The following ARCN1 variants were observed in gnomAD, a reference collection of about 807,000 sequenced individuals.
The protein encoded by ARCN1 is archain 1 coat protein complex I subunit delta.
Under a neutral mutation model 60.4 loss-of-function variants are expected in ARCN1, and 5 were observed. That is an observed-to-expected ratio of 0.08 (90% CI 0.04 to 0.17). ARCN1 has a LOEUF of 0.17. ARCN1 is among the 10% of genes least tolerant of loss of function. The pLI, the probability that ARCN1 is intolerant of heterozygous loss-of-function variation, is 1.00. For synonymous variants in ARCN1, 224 were observed against 220.0 expected (o/e 1.02, Z -0.16); for missense variants, 464 against 626.5 (o/e 0.74, Z 2.77).
rs1350009817 is a variant in ARCN1, at chr11:118,601,310, C to T, written c.*596C>T. On this transcript the variant is annotated 3_prime_UTR_variant, in exon 10 of 10. Coordinates refer to ENST00000264028, the MANE Select transcript of ARCN1 (RefSeq NM_001655.5). ...CTCCTGAGCTCAGGCAATCCGCCCACCTCAGCCTCCCAAAGTGTTGGGATT... is the reference window on the plus strand; with the variant it reads ...CTCCTGAGCTCAGGCAATCCGCCCATCTCAGCCTCCCAAAGTGTTGGGATT... 1 of 406,628 alleles carries T rather than the reference C, an allele frequency of 2.5e-6. No individual in the cohort carries two copies. Among genetic ancestry groups the T allele is most frequent in the Non-Finnish European group, 4.7e-6 (1 of 214,434 alleles). 25.2% of individuals were successfully genotyped at this position (406,628 alleles called of 1,614,324 possible). A position where few individuals can be genotyped will look rare whatever the true frequency, so the allele number is the denominator to read the frequency against.
At chr11:118,586,256 C>T (rs191704012) in intron 5 of ARCN1, among the ~76,000 whole-genome samples, 186 of 152,170 alleles carry the variant, frequency 1.2e-3, no homozygotes, top group African/African-American at 4.4e-3. Flanking sequence ...CCATCACACC[C>T]GGCTAATTTT....
chr11:118,588,908 C>T (rs181345963), intron 5 of ARCN1, among the ~76,000 whole-genome samples: 5 of 151,936 alleles, frequency 3.3e-5, no homozygotes, highest in Non-Finnish European at 7.4e-5. Context: ...ATCCCAGCTA[C>T]GCAGGAGGCT....
At chr11:118,580,913 G>A (rs1028637893) in intron 1 of ARCN1, among the ~76,000 whole-genome samples, 8 of 152,050 alleles carry the variant, frequency 5.3e-5, no homozygotes, top group Admixed American at 6.6e-5. Flanking sequence ...CAGGAGGATC[G>A]CTTGAACCCA....
intron 9 of ARCN1, among the ~76,000 whole-genome samples, 186 bp from the exon 10 acceptor site, chr11:118,600,439 T>G (rs1939123678): frequency 6.6e-6 from 1 of 152,212 alleles, no homozygotes; most frequent in Non-Finnish European, 1.5e-5. Flanking sequence ...GAAAAGCAGC[T>G]TAATCATTTT....
At position 118,572,523 on chromosome 11, in the gene ARCN1, G is replaced by A; in HGVS notation, c.-25G>A. The A allele has an allele frequency of 1.9e-6, 3 of 1,611,350 alleles. No individual in the cohort carries two copies. The highest frequency in any genetic ancestry group is 2.2e-5 in the East Asian group (1 of 44,780). ...CTATCCCCAGTGGAGCCGGAGTGCG[G>A]GCGCGCCCCACCACCGCCCTCACCA... On this transcript the variant is annotated 5_prime_UTR_variant, in exon 1 of 10. Transcript: ENST00000264028.
chr11:118,591,101 A>G (rs1938897629), intron 6 of ARCN1, among the ~76,000 whole-genome samples: 1 of 152,284 alleles, frequency 6.6e-6, no homozygotes, highest in Non-Finnish European at 1.5e-5. Flanking sequence ...GAAGGGCAGT[A>G]TCTAATGGTG....
intron 1 of ARCN1, among the ~76,000 whole-genome samples, chr11:118,576,877 T>C (rs1938527825): frequency 1.3e-5 from 2 of 152,320 alleles, no homozygotes; most frequent in South Asian, 4.1e-4. Context: ...TTTCTTCATC[T>C]TGACGTACTG....
intron 6 of ARCN1, among the ~76,000 whole-genome samples, chr11:118,591,972 G>A (rs1179272783): frequency 6.6e-6 from 1 of 151,790 alleles, no homozygotes; most frequent in Non-Finnish European, 1.5e-5. Context: ...CCAGGTTGGA[G>A]TGCAATGGTG....
intron 1 of ARCN1, among the ~76,000 whole-genome samples, chr11:118,576,114 G>T (rs1938492964): frequency 6.6e-6 from 1 of 151,914 alleles, no homozygotes; most frequent in Admixed American, 6.6e-5. Context: ...CTTATCCAAG[G>T]TCACATAATT....
intron 7 of ARCN1, among the ~76,000 whole-genome samples, chr11:118,593,156 T>C (rs1418070595): frequency 2.0e-5 from 3 of 152,152 alleles, no homozygotes; most frequent in African/African-American, 7.2e-5. Flanking sequence ...ATCAAACTCC[T>C]GGACTCAAGC....
intron 9 of ARCN1, among the ~76,000 whole-genome samples, chr11:118,600,199 G>A (rs1939118808): frequency 6.6e-6 from 1 of 152,196 alleles, no homozygotes; most frequent in South Asian, 2.1e-4. Flanking sequence ...GTATGATAGA[G>A]CAGCTTACTG....
chr11:118,581,630 A>T (rs2135539756), intron 2 of ARCN1, 121 bp downstream of exon 2: 1 of 949,828 alleles, frequency 1.1e-6, no homozygotes, highest in Admixed American at 2.6e-5. Context: ...CACCCCAGCG[A>T]CTTATTGCTG....
At chr11:118,587,598 A>G (rs1938807151) in intron 5 of ARCN1, among the ~76,000 whole-genome samples, 1 of 152,214 alleles carries the variant, frequency 6.6e-6, no homozygotes, top group Non-Finnish European at 1.5e-5. Flanking sequence ...ATTCAACAGC[A>G]ACAATGAACA....
At chr11:118,578,696 G>T (rs1273186604) in intron 1 of ARCN1, among the ~76,000 whole-genome samples, 1 of 151,888 alleles carries the variant, frequency 6.6e-6, no homozygotes, top group African/African-American at 2.4e-5. Context: ...TAAAATTTTG[G>T]GGGGAGAGTC....
Position 118,602,825 on chromosome 11 carries a change from A to T in ARCN1, c.*2111A>T, listed in dbSNP as rs1247989178. ...GATTACTTTTGGGGTAATATTTAAA[A>T]TGAGAGACATTTTGTAACCCTGTAA... On this transcript the variant is annotated 3_prime_UTR_variant, in exon 10 of 10. Coordinates refer to ENST00000264028, the MANE Select transcript of ARCN1 (RefSeq NM_001655.5). 6.5e-6 allele frequency: 1 copy of T among 153,772 alleles called. No individual in the cohort carries two copies. Among genetic ancestry groups the T allele is most frequent in the Non-Finnish European group, 1.5e-5 (1 of 68,042 alleles). 9.5% of individuals were successfully genotyped at this position (153,772 alleles called of 1,614,324 possible). A position where few individuals can be genotyped will look rare whatever the true frequency, so the allele number is the denominator to read the frequency against.
Position 118,579,688 on chromosome 11 carries a change from TA to T in ARCN1, c.4-1546del, listed in dbSNP as rs1313169929. Among the ~76,000 whole-genome samples the T allele has an allele frequency of 9.3e-3, 1,325 of 142,884 alleles. 19 individuals are homozygous for T. The highest frequency in any genetic ancestry group is 0.027 in the African/African-American group (1,076 of 39,210). 93.7% of individuals were successfully genotyped at this position (142,884 alleles called of 152,430 possible). A position where few individuals can be genotyped will look rare whatever the true frequency, so the allele number is the denominator to read the frequency against. ...GGGCAACAAGAGCAAAACTCCATCT[TA>T]AAAAAAAAAAAGGTAGCAAAAATAG... On this transcript the variant is annotated intron_variant, in intron 1 of 9. Coordinates refer to ENST00000264028, the MANE Select transcript of ARCN1 (RefSeq NM_001655.5).
At position 118,592,839 on chromosome 11, in the gene ARCN1, C is replaced by G; in HGVS notation, c.1115C>G (p.Ser372Cys). 6.2e-7 allele frequency: 1 copy of G among 1,613,996 alleles called. No individual in the cohort carries two copies. Among genetic ancestry groups the G allele is most frequent in the Non-Finnish European group, 8.5e-7 (1 of 1,179,904 alleles). Reference protein sequence around the residue: ...LKWRLQTTEESFIPLTINCWP... With the variant: ...LKWRLQTTEECFIPLTINCWP... ...TGGAGACTACAAACCACAGAGGAAT[C>G]TTTTATTCCACTGACAAGTAAGTGC... Residue 372 changes from serine to cysteine, a missense_variant, in exon 7 of 10, where the codon TCT (serine) becomes TGT (cysteine). Coordinates refer to ENST00000264028, the MANE Select transcript of ARCN1 (RefSeq NM_001655.5).
rs367561676 is a variant in ARCN1, at chr11:118,597,769, G to A, written c.1304G>A (p.Arg435Gln). The change falls in exon 9 of 10, where the codon CGA becomes CAA. Residue 435 changes from arginine (R) to glutamine (Q), a missense_variant. This residue lies in a region of ARCN1 where 359 missense variants were observed against 440.2 expected (regional missense o/e 0.82). Transcript: ENST00000264028. ...IDGEYRHDSR[R>Q]NTLEWCLPVI... ...GGGGAGTATCGACATGACAGTCGAC[G>A]AAATACCCTGGAGTGGTGCCTGCCT... is the stretch of plus-strand genomic sequence containing the variant. 5.6e-6 allele frequency: 9 copies of A among 1,614,042 alleles called. No individual in the cohort carries two copies. Among genetic ancestry groups the A allele is most frequent in the Admixed American group, 1.7e-5 (1 of 59,994 alleles).
In ARCN1 at chr11:118,572,679, C is replaced by T. The variant is rs536925133; in HGVS notation, c.3+129C>T. ...TAGGGCAGAGTGCTTTTGCTCCGGG[C>T]TCGGGGAGCAGTGTGGCCTCCTGTG... On this transcript the variant is annotated intron_variant, in intron 1 of 9. Transcript: ENST00000264028. 306 of 1,233,624 alleles carry T rather than the reference C, an allele frequency of 2.5e-4. No individual in the cohort carries two copies. In the African/African-American group the frequency reaches 4.2e-3, roughly 17 times the overall value. The allele number at this position is 1,233,624 out of a possible 1,614,324, so 76.4% of individuals were successfully genotyped here. A position where few individuals can be genotyped will look rare whatever the true frequency, so the allele number is the denominator to read the frequency against.
Sources: gnomAD v4.1 joint callset for allele counts (sites outside exome capture counted in the v4.1 genomes callset) on GRCh38, gnomAD v4.1.1 for gene constraint, gnomAD v4.1.1 regional missense constraint, MANE v1.5 for transcripts, NCBI Gene and HGNC (gene_info 2026-07-23, HGNC 2026-07-21) for gene names.